The following PLCH2 variants were observed in gnomAD, a reference collection of about 807,000 sequenced individuals.
PLCH2 encodes the protein 1-phosphatidylinositol 4,5-bisphosphate phosphodiesterase eta-2.
Under a neutral mutation model 134.7 loss-of-function variants are expected in PLCH2, and 98 were observed. The ratio of observed to expected loss-of-function variants is 0.73; its 90% CI spans 0.62 to 0.86. The LOEUF (loss-of-function observed/expected upper bound fraction) is 0.86. Ranked by LOEUF, PLCH2 falls within the 40% of genes least tolerant of loss-of-function variation. PLCH2 has a pLI of 0.00. For synonymous variants in PLCH2, 974 were observed against 827.5 expected, an observed-to-expected ratio of 1.18 and a Z score of -3.04; for missense variants, 1,994 against 1,986.6, an observed-to-expected ratio of 1.00 and a Z score of -0.07.
intron 4 of PLCH2, among the ~76,000 whole-genome samples, 187 bp downstream of exon 4, chr1:2,480,499 C>CAGGCAGGT (rs1335017624): frequency 1.3e-5 from 2 of 152,214 alleles, no homozygotes; most frequent in Admixed American, 6.5e-5. Context: ...CTATGGCAGG[C>CAGGCAGGT]AGGCAGGTGG....
intron 2 of PLCH2, among the ~76,000 whole-genome samples, chr1:2,449,732 C>T (rs1476574399): frequency 6.6e-6 from 1 of 152,212 alleles, no homozygotes; most frequent in African/African-American, 2.4e-5. Flanking sequence ...GCAATGGACT[C>T]ACTGCTGAGA....
chr1:2,478,734 G>T, intron 2 of PLCH2, 112 bp downstream of exon 2: 1 of 1,084,520 alleles, frequency 9.2e-7, no homozygotes, highest in Non-Finnish European at 1.3e-6. Context: ...CCCTAGGCCT[G>T]GACACCTCTG....
At position 2,427,072 on chromosome 1, in the gene PLCH2, C is replaced by T. The variant is rs530350455; in HGVS notation, c.-178+1035C>T. ...CCTGGTCTGCCTCCTATGCCCAGGA[C>T]GTCTTGGCCGGGGGTCTCCATACCT... is the stretch of plus-strand genomic sequence containing the variant. On this transcript the variant is annotated intron_variant, in intron 1 of 3. Transcript: ENST00000609981. Among the ~76,000 whole-genome samples, 156 of 152,354 alleles carry T rather than the reference C, an allele frequency of 1.0e-3. 1 individual carries two copies. The highest frequency in any genetic ancestry group is 3.5e-3 in the African/African-American group (147 of 41,586).
chr1:2,435,807 G>A lies in PLCH2; in HGVS notation c.115+5178G>A, dbSNP rs145691230. 2.6e-3 allele frequency among the ~76,000 whole-genome samples: 354 copies of A among 135,604 alleles called. 1 individual carries two copies. Among genetic ancestry groups the A allele is most frequent in the African/African-American group, 0.011 (338 of 32,140 alleles). The allele number at this position is 135,604 out of a possible 152,430, so 89.0% of individuals were successfully genotyped here. ...TGGGAGGCTCAGCTCAGTCTGGAGT[G>A]AGCCCCCACACCTGGGGGGCTCAGC... is the stretch of plus-strand genomic sequence containing the variant. On this transcript the variant is annotated intron_variant, in intron 2 of 3. Transcript: ENST00000609981.
At chr1:2,451,144 C>T (rs1050542779) in intron 2 of PLCH2, among the ~76,000 whole-genome samples, 5 of 152,088 alleles carry the variant, frequency 3.3e-5, no homozygotes, top group Admixed American at 2.0e-4. Context: ...GCAGCTGGGC[C>T]GAGTGCGCTC....
At chr1:2,441,680 A>G (rs1639698877) in intron 2 of PLCH2, among the ~76,000 whole-genome samples, 1 of 152,140 alleles carries the variant, frequency 6.6e-6, no homozygotes, top group Non-Finnish European at 1.5e-5. Flanking sequence ...TGCAGGAGCC[A>G]GCACCCCGGG....
exon 1 of PLCH2, chr1:2,467,467 G>GGCGCGGCAGGGCA: frequency 2.5e-6 from 1 of 393,318 alleles, no homozygotes; most frequent in South Asian, 1.4e-4. Flanking sequence ...CTCACGGGCG[G>GGCGCGGCAGGGCA]GCGCGGCAGG....
chr1:2,459,927 C>A (rs1313492241), intron 2 of PLCH2, among the ~76,000 whole-genome samples: 1 of 152,242 alleles, frequency 6.6e-6, no homozygotes, highest in Non-Finnish European at 1.5e-5. Flanking sequence ...CCGGTCCATG[C>A]GGCCAGTGGA....
chr1:2,470,517 G>A (rs372378154), intron 1 of PLCH2, among the ~76,000 whole-genome samples: 2 of 152,224 alleles, frequency 1.3e-5, no homozygotes, highest in South Asian at 2.1e-4. Flanking sequence ...GCTGCTCCCC[G>A]GCCTGGCAGT....
chr1:2,453,158 C>T (rs535851379), intron 2 of PLCH2, among the ~76,000 whole-genome samples: 5 of 152,300 alleles, frequency 3.3e-5, no homozygotes, highest in African/African-American at 9.6e-5. Context: ...GCCTGTCCCC[C>T]GATCTTCCAG....
upstream of PLCH2, among the ~76,000 whole-genome samples, chr1:2,422,288 A>AAAC (rs1263731886): frequency 2.0e-5 from 3 of 152,288 alleles, no homozygotes; most frequent in African/African-American, 7.2e-5. Context: ...ACAAACAAAC[A>AAAC]AAAACCCATA....
rs953394113 is a variant in PLCH2, at chr1:2,498,916, C to G, written c.2434+88C>G. 3.0e-6 allele frequency: 4 copies of G among 1,347,322 alleles called. No homozygotes were observed. In the Admixed American group the frequency reaches 7.9e-5, roughly 27 times the overall value. The allele number at this position is 1,347,322 out of a possible 1,614,324, so 83.5% of individuals were successfully genotyped here. On this transcript the variant is annotated intron_variant, in intron 18 of 21. Coordinates refer to ENST00000378486, the MANE Select transcript of PLCH2 (RefSeq NM_014638.4). The surrounding 1 kb of genome is among the most constrained non-coding windows in gnomAD (Gnocchi z 5.4). ...TACCTGGTGTGCCCGGGTGCCCTGC[C>G]CAGGCCTCCCTCAGTGACAGTCCTG...
chr1:2,440,496 G>A (rs1329179882), intron 2 of PLCH2, among the ~76,000 whole-genome samples: 1 of 147,904 alleles, frequency 6.8e-6, no homozygotes, highest in East Asian at 2.0e-4. Context: ...TGCCCGGCCC[G>A]CCCGGGGATC....
At chr1:2,486,766 A>G in intron 5 of PLCH2, 141 bp from the exon 6 acceptor site, 1 of 686,332 alleles carries the variant, frequency 1.5e-6, no homozygotes, top group Non-Finnish European at 2.6e-6. Context: ...GTCCCAAGTC[A>G]TGTGACACTG....
chr1:2,421,281 C>T (rs1295642577), upstream of PLCH2, among the ~76,000 whole-genome samples: 2 of 152,134 alleles, frequency 1.3e-5, no homozygotes, highest in East Asian at 1.9e-4. Flanking sequence ...GCCCAAGGAG[C>T]TTTGGTTTTG....
chr1:2,459,385 C>T (rs535220163), intron 2 of PLCH2, among the ~76,000 whole-genome samples: 2 of 134,900 alleles, frequency 1.5e-5, no homozygotes, highest in Admixed American at 7.4e-5. Context: ...TGCCGGTGGT[C>T]CTCCTTCCTG....
intron 1 of PLCH2, among the ~76,000 whole-genome samples, chr1:2,469,327 G>A (rs911443158): frequency 1.3e-5 from 2 of 152,216 alleles, no homozygotes; most frequent in African/African-American, 4.8e-5. Flanking sequence ...TTAGGAGGGG[G>A]CAGTGGTGGG....
At chr1:2,489,643 CA>C in intron 9 of PLCH2, 116 bp from the exon 10 acceptor site, 1 of 865,550 alleles carries the variant, frequency 1.2e-6, no homozygotes, top group Non-Finnish European at 1.9e-6. Context: ...GCTGAGATGC[CA>C]AAACTGAGCT....
In PLCH2 at chr1:2,476,664, G is replaced by C. The variant is rs764180564; in HGVS notation, c.76G>C (p.Val26Leu). The C allele has an allele frequency of 3.7e-6, 6 of 1,610,560 alleles. No individual in the cohort carries two copies. The highest frequency in any genetic ancestry group is 1.7e-4 in the Middle Eastern group (1 of 5,862). The stretch of plus-strand genomic sequence containing the variant: ...CTGGCTGGCGGAGGTACTCCTCTGG[G>C]TTGGAGGGAGTGTGGTGCTGTCTTC... ...VAWLAEVLLW[V>L]GGSVVLSSEW... Residue 26 changes from valine (V) to leucine (L), a missense_variant, in exon 1 of 22, where the codon GTT (valine) becomes CTT (leucine). Val to Leu is a conservative substitution (Grantham distance 32, BLOSUM62 1). Coordinates refer to ENST00000378486, the MANE Select transcript of PLCH2 (RefSeq NM_014638.4).
Sources: allele counts gnomAD v4.1 joint callset (sites outside exome capture counted in the v4.1 genomes callset), GRCh38; gene constraint gnomAD v4.1.1; non-coding constraint Gnocchi (gnomAD v3.1); transcripts MANE v1.5; gene names NCBI Gene and HGNC (gene_info 2026-07-23, HGNC 2026-07-21).